TSHZ2: variants seen among roughly 807,000 people sequenced by gnomAD.
TSHZ2 encodes the protein teashirt zinc finger homeobox 2.
TSHZ2 carries 21 observed loss-of-function variants against 74.4 expected under a neutral mutation model. The ratio of observed to expected loss-of-function variants is 0.28; its 90% CI spans 0.20 to 0.41. The LOEUF (loss-of-function observed/expected upper bound fraction) is 0.41. TSHZ2 is among the 10% of genes least tolerant of loss of function. TSHZ2 has a pLI of 1.00. For synonymous variants in TSHZ2, 540 were observed against 515.3 expected, an observed-to-expected ratio of 1.05 and a Z score of -0.65; for missense variants, 1,244 against 1,293.5, an observed-to-expected ratio of 0.96 and a Z score of 0.59.
chr20:53,400,649 C>T (rs6022446), intron 2 of TSHZ2, among the ~76,000 whole-genome samples: 4,973 of 152,246 alleles, frequency 0.033, 250 homozygotes, highest in African/African-American at 0.11. Flanking sequence ...CTCTCTACTG[C>T]CTCACCTTCA....
intron 1 of TSHZ2, among the ~76,000 whole-genome samples, chr20:53,018,087 A>G (rs1219907699): frequency 6.6e-6 from 1 of 152,154 alleles, no homozygotes; most frequent in African/African-American, 2.4e-5. Flanking sequence ...TGGCTCATGT[A>G]ATTGAAAAAC....
intron 1 of TSHZ2, among the ~76,000 whole-genome samples, chr20:53,123,569 C>A (rs137876113): frequency 6.6e-6 from 1 of 152,110 alleles, no homozygotes; most frequent in Non-Finnish European, 1.5e-5. Context: ...AAAGCCTGAA[C>A]AAGTCCATTC....
intron 1 of TSHZ2, among the ~76,000 whole-genome samples, chr20:53,214,351 G>A (rs1355558359): frequency 6.6e-6 from 1 of 152,148 alleles, no homozygotes; most frequent in Non-Finnish European, 1.5e-5. Context: ...AAATGAAGCC[G>A]AGCAAGGGCT....
intron 1 of TSHZ2, among the ~76,000 whole-genome samples, chr20:52,977,421 TACACACACACACACACACACACACAC>T (rs36230826): frequency 1.4e-5 from 2 of 141,380 alleles, no homozygotes; most frequent in South Asian, 2.3e-4. Flanking sequence ...AATGGAAAAA[TACACACACACACACACACACACACAC>T]ACACACACAC....
At chr20:53,213,889 G>A (rs914881711) in intron 1 of TSHZ2, among the ~76,000 whole-genome samples, 2 of 152,048 alleles carry the variant, frequency 1.3e-5, no homozygotes, top group African/African-American at 4.8e-5. Flanking sequence ...AACATCTCTT[G>A]GCTCCCTTGT....
At chr20:53,122,896 CTT>C (rs147178939) in intron 1 of TSHZ2, among the ~76,000 whole-genome samples, 2 of 152,260 alleles carry the variant, frequency 1.3e-5, no homozygotes, top group East Asian at 3.9e-4. Context: ...AATACATTTT[CTT>C]TTATTTCTGT....
chr20:52,977,019 T>C (rs764421464), intron 1 of TSHZ2, among the ~76,000 whole-genome samples: 3 of 152,222 alleles, frequency 2.0e-5, no homozygotes, highest in Non-Finnish European at 4.4e-5. Context: ...AATCATTACT[T>C]AAAAGTTGCA....
intron 1 of TSHZ2, among the ~76,000 whole-genome samples, chr20:53,188,411 AC>A (rs1263823248): frequency 2.6e-5 from 4 of 152,240 alleles, no homozygotes; most frequent in Non-Finnish European, 4.4e-5. Flanking sequence ...GACTAGAGAT[AC>A]AAGGCAATGC....
At chr20:53,310,321 C>T (rs1260942265) in intron 2 of TSHZ2, among the ~76,000 whole-genome samples, 1 of 152,208 alleles carries the variant, frequency 6.6e-6, no homozygotes. Context: ...TGGACTAGAT[C>T]AGAGGATATC....
intron 2 of TSHZ2, among the ~76,000 whole-genome samples, chr20:53,276,665 A>G (rs778282612): frequency 1.3e-5 from 2 of 152,152 alleles, no homozygotes; most frequent in Non-Finnish European, 2.9e-5. Flanking sequence ...CATCGCAATC[A>G]CCTGGAGGTT....
intron 2 of TSHZ2, among the ~76,000 whole-genome samples, chr20:53,386,114 A>T (rs757289613): frequency 2.0e-5 from 3 of 151,928 alleles, no homozygotes; most frequent in Non-Finnish European, 2.9e-5. Flanking sequence ...CTCACCCCTC[A>T]CCTCTTAGCG....
intron 2 of TSHZ2, among the ~76,000 whole-genome samples, chr20:53,469,601 C>CAAGA (rs1190968933): frequency 3.0e-5 from 1 of 33,440 alleles, no homozygotes; most frequent in African/African-American, 1.5e-4. Context: ...AGGAAGGACC[C>CAAGA]AAGAAAGATA....
chr20:53,429,477 G>C (rs1983763825), intron 2 of TSHZ2, among the ~76,000 whole-genome samples: 1 of 152,194 alleles, frequency 6.6e-6, no homozygotes, highest in Non-Finnish European at 1.5e-5. Context: ...CACGAGACCT[G>C]ATGGTTTTAA....
intron 1 of TSHZ2, among the ~76,000 whole-genome samples, chr20:52,985,290 A>G (rs1981712486): frequency 6.6e-6 from 1 of 152,214 alleles, no homozygotes; most frequent in African/African-American, 2.4e-5. Context: ...AAACAGACCT[A>G]ATAAAAGGAC....
At chr20:53,132,455 T>C (rs1482134044) in intron 1 of TSHZ2, among the ~76,000 whole-genome samples, 2 of 151,964 alleles carry the variant, frequency 1.3e-5, no homozygotes, top group African/African-American at 2.4e-5. Flanking sequence ...TATTTTTGTA[T>C]TTTTAGTAGA....
At chr20:52,976,508 T>G (rs1241142584) in intron 1 of TSHZ2, among the ~76,000 whole-genome samples, 4 of 152,216 alleles carry the variant, frequency 2.6e-5, no homozygotes, top group African/African-American at 9.6e-5. Flanking sequence ...ACCAGCATTT[T>G]CCCCTTCTAT....
intron 2 of TSHZ2, among the ~76,000 whole-genome samples, chr20:53,280,644 T>C (rs1359595604): frequency 6.9e-6 from 1 of 144,716 alleles, no homozygotes; most frequent in Non-Finnish European, 1.5e-5. Context: ...GTCGTTTTTT[T>C]GTTTGTTTGT....
chr20:53,032,624 A>C (rs1348851618), intron 1 of TSHZ2, among the ~76,000 whole-genome samples: 1 of 152,164 alleles, frequency 6.6e-6, no homozygotes, highest in Non-Finnish European at 1.5e-5. Context: ...TTGTCAAAGC[A>C]TTTGGGGGTC....
intron 1 of TSHZ2, among the ~76,000 whole-genome samples, chr20:53,112,669 C>T (rs539667783): frequency 3.5e-4 from 53 of 152,204 alleles, no homozygotes; most frequent in African/African-American, 1.2e-3. Context: ...TGCACCACCA[C>T]ACCTTGCTAA....
Sources: allele counts gnomAD v4.1 joint callset (sites outside exome capture counted in the v4.1 genomes callset), GRCh38; gene constraint gnomAD v4.1.1; transcripts MANE v1.5; gene names NCBI Gene and HGNC (gene_info 2026-07-23, HGNC 2026-07-21).